PTPRG: variants seen among roughly 807,000 people sequenced by gnomAD.
PTPRG encodes protein tyrosine phosphatase receptor type G, also known as receptor-type tyrosine-protein phosphatase gamma.
In PTPRG, 102 loss-of-function variants were observed where a neutral mutation model predicts 165.3. The observed-to-expected ratio is 0.62, with a 90% CI of 0.53 to 0.73. The LOEUF (loss-of-function observed/expected upper bound fraction) is 0.73. PTPRG is among the 30% of genes least tolerant of loss of function. The probability of loss-of-function intolerance (pLI) is 0.00; values close to 1 mark genes in which losing one functional copy is unlikely to be tolerated. For missense variants in PTPRG, 1,866 were observed against 1,861.4 expected (o/e 1.00, Z -0.05); for synonymous variants, 675 against 669.5 (o/e 1.01, Z -0.13).
chr3:62,277,082 A>C lies in PTPRG; in HGVS notation c.3636+34A>C, dbSNP rs760695394. The C allele has an allele frequency of 2.6e-6, 4 of 1,557,082 alleles. No homozygotes were observed. In the African/African-American group the frequency reaches 4.1e-5, roughly 16 times the overall value. On this transcript the variant is annotated intron_variant, in intron 25 of 29. Transcript: ENST00000474889. ...CAACAGTTAATTATAAATAAAGTCA[A>C]CTAAACTGAAAGGTGTTAAAGAGCA...
At chr3:61,668,673 C>CT (rs1408718342) in intron 1 of PTPRG, among the ~76,000 whole-genome samples, 7 of 152,048 alleles carry the variant, frequency 4.6e-5, no homozygotes, top group South Asian at 2.1e-4. Context: ...GGGTTTGTCG[C>CT]TTTTTTTTAA....
At chr3:61,766,068 A>C (rs1221739220) in intron 2 of PTPRG, among the ~76,000 whole-genome samples, 1 of 152,218 alleles carries the variant, frequency 6.6e-6, no homozygotes, top group African/African-American at 2.4e-5. Context: ...TATCTATCTC[A>C]ATACTCCTAT....
At chr3:61,759,379 G>A (rs902579458) in intron 2 of PTPRG, among the ~76,000 whole-genome samples, 1 of 152,102 alleles carries the variant, frequency 6.6e-6, no homozygotes, top group Non-Finnish European at 1.5e-5. Flanking sequence ...TTTCCACTGC[G>A]TGTAGTGGCT....
chr3:61,871,123 A>ATGTTG (rs1559660022), intron 2 of PTPRG, among the ~76,000 whole-genome samples: 38 of 110,788 alleles, frequency 3.4e-4, no homozygotes, highest in African/African-American at 1.1e-3. Context: ...ATGTTATGTT[A>ATGTTG]TGTTATGTTG....
At chr3:61,715,632 G>A (rs1483534954) in intron 1 of PTPRG, among the ~76,000 whole-genome samples, 1 of 152,184 alleles carries the variant, frequency 6.6e-6, no homozygotes, top group Non-Finnish European at 1.5e-5. Flanking sequence ...TCCTGGAGCA[G>A]GAGTGAGTGC....
chr3:62,054,301 A>G (rs1156567879), intron 4 of PTPRG, among the ~76,000 whole-genome samples: 2 of 152,172 alleles, frequency 1.3e-5, no homozygotes, highest in Non-Finnish European at 2.9e-5. Flanking sequence ...GGTATTCATT[A>G]TTTGTTAGCT....
chr3:62,077,664 C>T (rs1182850207), intron 4 of PTPRG, among the ~76,000 whole-genome samples: 1 of 152,088 alleles, frequency 6.6e-6, no homozygotes, highest in Non-Finnish European at 1.5e-5. Context: ...TATATTCTGA[C>T]ATATCTAGGG....
chr3:62,106,494 T>A (rs772381057), intron 5 of PTPRG, among the ~76,000 whole-genome samples: 16 of 140,096 alleles, frequency 1.1e-4, no homozygotes, highest in Non-Finnish European at 2.3e-4. Flanking sequence ...CCCTGCAAAC[T>A]CTTAAAGGCT....
At chr3:62,021,492 G>A (rs1473355528) in intron 4 of PTPRG, among the ~76,000 whole-genome samples, 1 of 152,194 alleles carries the variant, frequency 6.6e-6, no homozygotes, top group Non-Finnish European at 1.5e-5. Flanking sequence ...ATATGTTTAT[G>A]TGTATAGTAT....
intron 1 of PTPRG, among the ~76,000 whole-genome samples, chr3:61,661,786 C>A (rs1399393169): frequency 2.0e-5 from 3 of 151,988 alleles, no homozygotes; most frequent in African/African-American, 7.2e-5. Flanking sequence ...AACACCAGCA[C>A]CTACTAGCTG....
intron 1 of PTPRG, among the ~76,000 whole-genome samples, chr3:61,681,075 A>AAAAG (rs999333286): frequency 8.6e-5 from 13 of 150,304 alleles, no homozygotes; most frequent in African/African-American, 2.5e-4. Context: ...AAAAAAAAAA[A>AAAAG]AAGAAGAAGA....
intron 2 of PTPRG, among the ~76,000 whole-genome samples, chr3:61,921,699 T>A (rs1282718914): frequency 6.6e-6 from 1 of 152,238 alleles, no homozygotes; most frequent in South Asian, 2.1e-4. Flanking sequence ...ACTCAAGATT[T>A]CTAAGATATC....
chr3:61,583,837 C>T (rs1700366475), intron 1 of PTPRG, among the ~76,000 whole-genome samples: 1 of 152,164 alleles, frequency 6.6e-6, no homozygotes, highest in South Asian at 2.1e-4. Context: ...TGGTTGGTGT[C>T]TCTGAGATGT....
chr3:62,244,041 C>T, intron 15 of PTPRG, 143 bp downstream of exon 15: 1 of 561,610 alleles, frequency 1.8e-6, no homozygotes, highest in Non-Finnish European at 3.1e-6. Flanking sequence ...GAACAAATAA[C>T]TGAGTTAATG....
intron 2 of PTPRG, among the ~76,000 whole-genome samples, chr3:61,869,359 C>A (rs550302178): frequency 6.6e-6 from 1 of 152,130 alleles, no homozygotes; most frequent in South Asian, 2.1e-4. Context: ...GTGTGCAGAT[C>A]TTTGTGAGAA....
At chr3:61,581,908 T>C (rs1700304278) in intron 1 of PTPRG, among the ~76,000 whole-genome samples, 1 of 151,972 alleles carries the variant, frequency 6.6e-6, no homozygotes, top group African/African-American at 2.4e-5. Flanking sequence ...GTACCTGGCA[T>C]ATAGGTCCTT....
chr3:62,095,662 C>T (rs1336938842), intron 5 of PTPRG, among the ~76,000 whole-genome samples: 3 of 152,100 alleles, frequency 2.0e-5, no homozygotes, highest in African/African-American at 7.2e-5. Flanking sequence ...TGTAAATGTG[C>T]CAATGGACAT....
intron 2 of PTPRG, among the ~76,000 whole-genome samples, chr3:61,839,796 AT>A (rs1559642055): frequency 1.3e-5 from 2 of 152,164 alleles, no homozygotes; most frequent in Non-Finnish European, 2.9e-5. Flanking sequence ...TTTCTGTACC[AT>A]ACCTGCTTCC....
chr3:61,874,690 G>A (rs537926803), intron 2 of PTPRG, among the ~76,000 whole-genome samples: 1 of 152,228 alleles, frequency 6.6e-6, no homozygotes, highest in African/African-American at 2.4e-5. Flanking sequence ...GGAGTGTGCT[G>A]TTAACATTTA....
Sources: gnomAD v4.1 joint callset for allele counts (sites outside exome capture counted in the v4.1 genomes callset) on GRCh38, gnomAD v4.1.1 for gene constraint, MANE v1.5 for transcripts, NCBI Gene and HGNC (gene_info 2026-07-23, HGNC 2026-07-21) for gene names.